PCCA: variants seen among roughly 807,000 people sequenced by gnomAD.
PCCA encodes the protein propionyl-CoA carboxylase subunit alpha.
A neutral mutation model predicts 101.3 loss-of-function variants in PCCA; 74 were observed. That is an observed-to-expected ratio of 0.73 (90% CI 0.61 to 0.89). The LOEUF (loss-of-function observed/expected upper bound fraction) is 0.89, where lower values mean the gene tolerates loss of function less well. Among genes scored for constraint, PCCA ranks in the 40% least tolerant of loss-of-function variants. PCCA has a pLI of 0.00. For synonymous variants in PCCA, 294 were observed against 313.6 expected, an observed-to-expected ratio of 0.94 and a Z score of 0.66; for missense variants, 891 against 907.0, an observed-to-expected ratio of 0.98 and a Z score of 0.23.
chr13:100,509,656 A>G (rs907881445), intron 21 of PCCA, among the ~76,000 whole-genome samples: 6 of 152,210 alleles, frequency 3.9e-5, no homozygotes, highest in African/African-American at 1.4e-4. Flanking sequence ...TCAAGTTGGA[A>G]TAGTCAGATT....
intron 21 of PCCA, among the ~76,000 whole-genome samples, chr13:100,472,710 A>G (rs977545377): frequency 6.6e-6 from 1 of 151,988 alleles, no homozygotes; most frequent in Non-Finnish European, 1.5e-5. Context: ...TGGCCCTGGG[A>G]TGTTTTAAGG....
chr13:100,444,648 A>G (rs763365127), intron 20 of PCCA, among the ~76,000 whole-genome samples: 78 of 151,730 alleles, frequency 5.1e-4, no homozygotes, highest in Non-Finnish European at 9.9e-4. Context: ...TCACCATGTT[A>G]GCCAGGATGG....
intron 6 of PCCA, among the ~76,000 whole-genome samples, chr13:100,168,309 C>T (rs1401516764): frequency 6.6e-6 from 1 of 152,124 alleles, no homozygotes; most frequent in Non-Finnish European, 1.5e-5. Context: ...TATATCAAAC[C>T]AGCCTCTCCA....
At chr13:100,261,153 C>G (rs1197615084) in intron 9 of PCCA, among the ~76,000 whole-genome samples, 1 of 151,796 alleles carries the variant, frequency 6.6e-6, no homozygotes, top group African/African-American at 2.4e-5. Context: ...ATAGTTATTT[C>G]TAATATTAGT....
intron 1 of PCCA, among the ~76,000 whole-genome samples, chr13:100,101,758 C>T (rs1427277783): frequency 1.3e-5 from 2 of 151,734 alleles, no homozygotes; most frequent in Admixed American, 6.6e-5. Context: ...CACCATGCCC[C>T]GCTAATTTTT....
intron 19 of PCCA, among the ~76,000 whole-genome samples, chr13:100,413,735 G>T (rs1465923724): frequency 1.3e-5 from 2 of 152,136 alleles, no homozygotes; most frequent in Non-Finnish European, 2.9e-5. Flanking sequence ...GTGGAACTGA[G>T]GTTCAAACAC....
chr13:100,435,153 C>T (rs1254696558), intron 20 of PCCA, among the ~76,000 whole-genome samples: 1 of 152,172 alleles, frequency 6.6e-6, no homozygotes, highest in Non-Finnish European at 1.5e-5. Context: ...ATGGTTCTGC[C>T]AGCTGTACAG....
intron 1 of PCCA, among the ~76,000 whole-genome samples, chr13:100,097,746 T>C (rs914460972): frequency 6.6e-6 from 1 of 152,072 alleles, no homozygotes; most frequent in Non-Finnish European, 1.5e-5. Context: ...AATCTTCGAA[T>C]ACTTATGTTA....
chr13:100,177,307 A>G (rs1014826803), intron 6 of PCCA, among the ~76,000 whole-genome samples: 1 of 152,194 alleles, frequency 6.6e-6, no homozygotes, highest in Non-Finnish European at 1.5e-5. Flanking sequence ...ACTAAAGCTT[A>G]TATCATCATT....
chr13:100,254,683 G>C (rs1156493901), intron 8 of PCCA, among the ~76,000 whole-genome samples: 1 of 152,088 alleles, frequency 6.6e-6, no homozygotes, highest in African/African-American at 2.4e-5. Flanking sequence ...TTTCTCCATG[G>C]TGTGGTGACA....
At chr13:100,378,892 T>A (rs1301899159) in intron 19 of PCCA, among the ~76,000 whole-genome samples, 1 of 152,186 alleles carries the variant, frequency 6.6e-6, no homozygotes, top group Non-Finnish European at 1.5e-5. Flanking sequence ...ATTATTAGTA[T>A]CAAAATTTTT....
intron 6 of PCCA, among the ~76,000 whole-genome samples, chr13:100,181,789 G>A (rs2056812046): frequency 1.4e-5 from 2 of 138,512 alleles, no homozygotes; most frequent in African/African-American, 5.3e-5. Flanking sequence ...TTTTTGAGAT[G>A]GAATCTCGCT....
intron 8 of PCCA, among the ~76,000 whole-genome samples, chr13:100,245,545 A>G (rs1461763332): frequency 6.6e-6 from 1 of 152,192 alleles, no homozygotes; most frequent in Non-Finnish European, 1.5e-5. Flanking sequence ...GTTCTATGCT[A>G]TCCTTATTCA....
At chr13:100,156,681 A>G (rs2053924703) in intron 5 of PCCA, among the ~76,000 whole-genome samples, 1 of 152,196 alleles carries the variant, frequency 6.6e-6, no homozygotes, top group Non-Finnish European at 1.5e-5. Flanking sequence ...AGAGCACAAA[A>G]TAAAAGTAAA....
chr13:100,518,816 A>G (rs995869811), intron 22 of PCCA, among the ~76,000 whole-genome samples: 2 of 152,230 alleles, frequency 1.3e-5, no homozygotes, highest in Admixed American at 6.5e-5. Context: ...TCGTAACACT[A>G]TTGTAAACTG....
intron 6 of PCCA, among the ~76,000 whole-genome samples, chr13:100,166,974 G>A (rs528908472): frequency 6.6e-6 from 1 of 152,258 alleles, no homozygotes; most frequent in South Asian, 2.1e-4. Context: ...TTTGTCTGAT[G>A]ATTAATAATG....
chr13:100,483,679 A>T (rs1388996717), intron 21 of PCCA, among the ~76,000 whole-genome samples: 1 of 152,246 alleles, frequency 6.6e-6, no homozygotes, highest in Non-Finnish European at 1.5e-5. Context: ...TAGAGTTAGG[A>T]AGTGAGAAAT....
At chr13:100,275,882 C>G (rs916411008) in intron 12 of PCCA, among the ~76,000 whole-genome samples, 1 of 152,142 alleles carries the variant, frequency 6.6e-6, no homozygotes, top group Non-Finnish European at 1.5e-5. Flanking sequence ...CGTTTACTGT[C>G]TCCTGACTTG....
intron 16 of PCCA, among the ~76,000 whole-genome samples, chr13:100,319,561 C>T (rs1230536751): frequency 6.6e-6 from 1 of 152,124 alleles, no homozygotes; most frequent in Non-Finnish European, 1.5e-5. Flanking sequence ...TATGGCTAGC[C>T]AGTTTTCCCA....
Sources: gnomAD v4.1 joint callset for allele counts (sites outside exome capture counted in the v4.1 genomes callset) on GRCh38, gnomAD v4.1.1 for gene constraint, MANE v1.5 for transcripts, NCBI Gene and HGNC (gene_info 2026-07-23, HGNC 2026-07-21) for gene names.